ERP27: variants seen among roughly 807,000 people sequenced by gnomAD.
The protein encoded by ERP27 is endoplasmic reticulum resident protein 27.
In ERP27, 23 loss-of-function variants were observed where a neutral mutation model predicts 27.7. That is an observed-to-expected ratio of 0.83 (90% CI 0.60 to 1.18). The LOEUF (loss-of-function observed/expected upper bound fraction) is 1.18, where lower values mean the gene tolerates loss of function less well. Among genes scored for constraint, ERP27 ranks in the 50% most tolerant of loss-of-function variants. The pLI, the probability that ERP27 is intolerant of heterozygous loss-of-function variation, is 0.00. For synonymous variants in ERP27, 159 were observed against 118.3 expected, an observed-to-expected ratio of 1.34 and a Z score of -2.23; for missense variants, 363 against 327.9, an observed-to-expected ratio of 1.11 and a Z score of -0.83.
intron 1 of ERP27, 35 bp downstream of exon 1, chr12:14,938,380 C>T (rs2120637996): frequency 6.2e-7 from 1 of 1,600,718 alleles, no homozygotes; most frequent in Non-Finnish European, 8.6e-7. Context: ...ATAACACTTT[C>T]ACACTATAGC....
intron 4 of ERP27, among the ~76,000 whole-genome samples, chr12:14,918,066 G>A (rs1266698983): frequency 2.0e-5 from 3 of 152,162 alleles, no homozygotes; most frequent in Non-Finnish European, 4.4e-5. Context: ...CGTACTTATT[G>A]AGTGTTCATT....
Position 14,914,707 on chromosome 12 carries a change from C to T in ERP27, c.*28G>A. 6.2e-7 allele frequency: 1 copy of T among 1,604,108 alleles called. No individual in the cohort carries two copies. The highest frequency in any genetic ancestry group is 8.5e-7 in the Non-Finnish European group (1 of 1,174,190). On this transcript the variant is annotated 3_prime_UTR_variant, in exon 7 of 7. Coordinates refer to ENST00000266397, the MANE Select transcript of ERP27 (RefSeq NM_152321.4). ...CTTTTTACTTTGCATAAAGTAGATA[C>T]TTGGCCATATGTAGTTCCAAGGAGA...
At chr12:14,920,671 C>T (rs991281733) in intron 4 of ERP27, among the ~76,000 whole-genome samples, 2 of 152,186 alleles carry the variant, frequency 1.3e-5, no homozygotes, top group Admixed American at 1.3e-4. Context: ...TGCACCTGGC[C>T]TTGAGTTAGT....
intron 3 of ERP27, among the ~76,000 whole-genome samples, chr12:14,934,140 T>C (rs773384331): frequency 2.0e-5 from 3 of 152,198 alleles, no homozygotes; most frequent in Non-Finnish European, 4.4e-5. Flanking sequence ...TACCCTGGGA[T>C]CCAGTGAGAT....
At position 14,938,002 on chromosome 12, in the gene ERP27, C is replaced by A; in HGVS notation, c.145G>T (p.Ala49Ser). Reference sequence around the variant, plus strand: ...TCAGTGGCAGCAATGAATTCCATGGCAGCTGGGACATCTGTGAGCCACGTG... The same window carrying A: ...TCAGTGGCAGCAATGAATTCCATGGAAGCTGGGACATCTGTGAGCCACGTG... ...EPTWLTDVPA[A>S]MEFIAATEVA... Residue 49 changes from alanine to serine, a missense_variant, in exon 2 of 7, where the codon GCC becomes TCC. Coordinates refer to ENST00000266397, the MANE Select transcript of ERP27 (RefSeq NM_152321.4). 6.2e-7 allele frequency: 1 copy of A among 1,614,120 alleles called. No individual in the cohort carries two copies. Among genetic ancestry groups the A allele is most frequent in the South Asian group, 1.1e-5 (1 of 91,080 alleles).
At chr12:14,929,608 G>T (rs1863666903) in intron 3 of ERP27, among the ~76,000 whole-genome samples, 1 of 152,116 alleles carries the variant, frequency 6.6e-6, no homozygotes, top group Non-Finnish European at 1.5e-5. Flanking sequence ...GGCAGCAGAA[G>T]AAAAACAGAA....
At chr12:14,933,662 A>G (rs549332484) in intron 3 of ERP27, among the ~76,000 whole-genome samples, 6 of 152,338 alleles carry the variant, frequency 3.9e-5, no homozygotes, top group Non-Finnish European at 7.4e-5. Context: ...ACTCTTTTTC[A>G]GTGGACTCTT....
In ERP27 at chr12:14,928,844, C is replaced by T. The variant is rs2430705; in HGVS notation, c.333+6012G>A. The T allele has an allele frequency of 6.5e-4, 795 of 1,218,256 alleles. 7 individuals are homozygous for T. In the African/African-American group the frequency reaches 9.3e-3, roughly 14 times the overall value. The allele number at this position is 1,218,256 out of a possible 1,614,324, so 75.5% of individuals were successfully genotyped here. ...GCCCACCCTCCTACCACCTCCTTCC[C>T]CTTCCCTTGCCCATATCAAGACGAA... On this transcript the variant is annotated intron_variant, in intron 3 of 6. Coordinates refer to ENST00000266397, the MANE Select transcript of ERP27 (RefSeq NM_152321.4).
chr12:14,926,058 G>A (rs1419200116), intron 3 of ERP27, among the ~76,000 whole-genome samples: 2 of 150,094 alleles, frequency 1.3e-5, no homozygotes, highest in Non-Finnish European at 3.0e-5. Flanking sequence ...AACAGAGCAA[G>A]ACTCTGTCTC....
chr12:14,918,372 G>A (rs1284668982), intron 4 of ERP27, among the ~76,000 whole-genome samples: 17 of 152,242 alleles, frequency 1.1e-4, no homozygotes, highest in Admixed American at 9.2e-4. Context: ...CAGGAGACCA[G>A]AAGCATTGAC....
chr12:14,935,845 A>G (rs1305674644), intron 2 of ERP27, among the ~76,000 whole-genome samples: 1 of 152,196 alleles, frequency 6.6e-6, no homozygotes, highest in East Asian at 1.9e-4. Context: ...CAGCCTCCTG[A>G]GTAGCTGGGA....
At position 14,917,254 on chromosome 12, in the gene ERP27, A is replaced by T. The variant is rs573496471; in HGVS notation, c.500T>A (p.Ile167Lys). The change falls in exon 5 of 7, where the codon ATA (isoleucine) becomes AAA (lysine). Residue 167 changes from isoleucine to lysine, a missense_variant. Ile to Lys is a moderately radical substitution (Grantham distance 102). Transcript: ENST00000266397. ...NSVIQIHLLL[I>K]MNKASPEYEE... ...ATACTCTGGGGAGGCCTTGTTCATT[A>T]TCAGGAGGAGATGAATCTGAATTAC... The T allele has an allele frequency of 1.9e-6, 3 of 1,614,030 alleles. No homozygotes were observed. The highest frequency in any genetic ancestry group is 1.3e-5 in the African/African-American group (1 of 74,928).
intron 3 of ERP27, among the ~76,000 whole-genome samples, chr12:14,925,926 G>A (rs1429310056): frequency 1.3e-5 from 2 of 151,978 alleles, no homozygotes; most frequent in East Asian, 1.9e-4. Context: ...AAAATTAGCC[G>A]GGCATGGTGG....
At chr12:14,936,477 C>A (rs1466492272) in intron 2 of ERP27, among the ~76,000 whole-genome samples, 1 of 152,126 alleles carries the variant, frequency 6.6e-6, no homozygotes. Context: ...TTAACAGGAA[C>A]AAACATGTTC....
chr12:14,929,497 A>G (rs1863665136), intron 3 of ERP27, among the ~76,000 whole-genome samples: 1 of 152,222 alleles, frequency 6.6e-6, no homozygotes, highest in African/African-American at 2.4e-5. Flanking sequence ...AGAAAATCCA[A>G]CCCAGGAACC....
In ERP27 at chr12:14,938,049, C is replaced by T; in HGVS notation, c.98G>A (p.Gly33Asp). The T allele has an allele frequency of 1.2e-6, 2 of 1,613,096 alleles. No individual in the cohort carries two copies. The highest frequency in any genetic ancestry group is 2.2e-5 in the South Asian group (2 of 91,044). ...CGTGGGTTCCTGGGCAGCACCAGGA[C>T]CATCTAGAGAGAGAAGCAGAAGATG... ...VAAEVEKSSDGPGAAQEPTWL... is the reference protein window; with the variant it reads ...VAAEVEKSSDDPGAAQEPTWL... The change falls in exon 2 of 7, where the codon GGT becomes GAT. Residue 33 changes from glycine (G) to aspartate (D), a missense_variant. Physicochemically the swap from Gly to Asp is moderately conservative, Grantham distance 94. Transcript: ENST00000266397.
At chr12:14,927,196 T>G (rs966825106) in intron 3 of ERP27, among the ~76,000 whole-genome samples, 1 of 152,194 alleles carries the variant, frequency 6.6e-6, no homozygotes, top group Admixed American at 6.5e-5. Flanking sequence ...CTCTGACTTC[T>G]TTTAACATTT....
At chr12:14,933,699 A>G (rs1056989417) in intron 3 of ERP27, among the ~76,000 whole-genome samples, 1 of 152,214 alleles carries the variant, frequency 6.6e-6, no homozygotes, top group Non-Finnish European at 1.5e-5. Flanking sequence ...GTAGAACTCA[A>G]TGACCAATGA....
At chr12:14,932,051 C>T (rs954195568) in intron 3 of ERP27, among the ~76,000 whole-genome samples, 11 of 152,110 alleles carry the variant, frequency 7.2e-5, no homozygotes, top group African/African-American at 2.7e-4. Context: ...GAAGGGAGCT[C>T]ACACAACTTC....
Sources: gnomAD v4.1 joint callset for allele counts (sites outside exome capture counted in the v4.1 genomes callset) on GRCh38, gnomAD v4.1.1 for gene constraint, MANE v1.5 for transcripts, NCBI Gene and HGNC (gene_info 2026-07-23, HGNC 2026-07-21) for gene names.